Variants in ZDHHC11 observed in about 807,000 individuals in gnomAD.
The protein encoded by ZDHHC11 is zDHHC palmitoyltransferase 11.
In ZDHHC11, 44 loss-of-function variants were observed where a neutral mutation model predicts 51.3. The observed-to-expected ratio is 0.86, with a 90% confidence interval of 0.67 to 1.10. The LOEUF (loss-of-function observed/expected upper bound fraction) is 1.10, where lower values mean the gene tolerates loss of function less well. Among genes scored for constraint, ZDHHC11 ranks in the 50% least tolerant of loss-of-function variants. The pLI is 0.00. For synonymous variants in ZDHHC11, 163 were observed against 222.0 expected (o/e 0.73, Z 2.36); for missense variants, 400 against 537.7 (o/e 0.74, Z 2.53).
At chr5:801,381 T>C (rs1264712824) in intron 11 of ZDHHC11, among the ~76,000 whole-genome samples, 1 of 151,886 alleles carries the variant, frequency 6.6e-6, no homozygotes, top group Admixed American at 6.6e-5. Context: ...TTCTTCTGCA[T>C]GTGTGCTGAT....
chr5:841,962 C>A (rs1478197211), intron 4 of ZDHHC11: 1 of 989,654 alleles, frequency 1.0e-6, no homozygotes, highest in African/African-American at 1.7e-5. Context: ...GACCGCAGCT[C>A]CATGTGCCTG....
chr5:828,445 C>T (rs1240713467), intron 7 of ZDHHC11, among the ~76,000 whole-genome samples: 5 of 150,594 alleles, frequency 3.3e-5, no homozygotes, highest in South Asian at 2.1e-4. Flanking sequence ...GGCGGCCGGC[C>T]GGGTGGGGGC....
chr5:825,049 G>C, intron 8 of ZDHHC11, 115 bp downstream of exon 8: 2 of 1,057,446 alleles, frequency 1.9e-6, no homozygotes, highest in Non-Finnish European at 2.9e-6. Flanking sequence ...AGCACCATTG[G>C]ACACAGAGTG....
chr5:849,009 T>G (rs757702957), intron 1 of ZDHHC11, among the ~76,000 whole-genome samples: 25 of 145,912 alleles, frequency 1.7e-4, no homozygotes, highest in Non-Finnish European at 3.0e-4. Flanking sequence ...GCCCTGCTCA[T>G]CCAGTCTTGC....
intron 3 of ZDHHC11, among the ~76,000 whole-genome samples, chr5:844,242 C>T (rs1378973229): frequency 1.3e-5 from 2 of 152,284 alleles, no homozygotes; most frequent in African/African-American, 4.8e-5. Flanking sequence ...GAGGGGTGGC[C>T]GTGGGACATT....
chr5:818,756 G>A (rs549286067), intron 10 of ZDHHC11, among the ~76,000 whole-genome samples: 1 of 151,694 alleles, frequency 6.6e-6, no homozygotes, highest in South Asian at 2.1e-4. Context: ...AGCTACTCGG[G>A]AGGCTGAGGT....
chr5:850,444 G>A lies in ZDHHC11; in HGVS notation c.159C>T (p.Ser53=). 6.2e-7 allele frequency: 1 copy of A among 1,613,668 alleles called. No homozygotes were observed. Among genetic ancestry groups the A allele is most frequent in the Non-Finnish European group, 8.5e-7 (1 of 1,180,020 alleles). The change falls in exon 1 of 13, where the codon TCC becomes TCT. Residue 53 remains serine, a synonymous_variant. Transcript: ENST00000283441. ...GAATGAAGATCCCGAAGGTGGCCGA[G>A]GAAAGGCCCACGAAGACAGCCCAGG... is the stretch of plus-strand genomic sequence containing the variant. ...VVTWAVFVGL[S]SATFGIFIPF...
At chr5:818,979 G>C (rs554678674) in intron 10 of ZDHHC11, among the ~76,000 whole-genome samples, 2 of 151,638 alleles carry the variant, frequency 1.3e-5, no homozygotes, top group Admixed American at 1.3e-4. Flanking sequence ...GACGGACACA[G>C]AGTCCATGTA....
upstream of ZDHHC11, among the ~76,000 whole-genome samples, chr5:855,481 G>GC (rs1748069643): frequency 2.1e-5 from 3 of 143,298 alleles, no homozygotes; most frequent in Admixed American, 6.9e-5. Context: ...GAGCAGCGGG[G>GC]ACAGACCCCA....
At chr5:821,728 G>C (rs1186957994) in intron 9 of ZDHHC11, 133 bp downstream of exon 9, 2 of 868,614 alleles carry the variant, frequency 2.3e-6, no homozygotes, top group Admixed American at 6.1e-5. Flanking sequence ...TCTCGAAAGT[G>C]CCACCTCCTG....
chr5:821,995 T>C (rs1179627971), intron 8 of ZDHHC11, 100 bp from the exon 9 acceptor site: 15 of 1,055,082 alleles, frequency 1.4e-5, no homozygotes, highest in Non-Finnish European at 1.8e-5. Flanking sequence ...CAGTCACTTC[T>C]GAGTAATGGT....
rs1422303568 is a variant in ZDHHC11, at chr5:817,477, AC to A, written c.1146+2047del. On this transcript the variant is annotated intron_variant, in intron 10 of 12. Transcript: ENST00000283441. The stretch of plus-strand genomic sequence containing the variant: ...TATGTATATATCTCACTTGGGGAAA[AC>A]TTTAAAAACACACTTGAAAAAACAT... 4.6e-5 allele frequency among the ~76,000 whole-genome samples: 7 copies of A among 151,446 alleles called. 1 individual carries two copies. Among genetic ancestry groups the A allele is most frequent in the African/African-American group, 1.7e-4 (7 of 41,236 alleles).
At chr5:822,005 T>C in intron 8 of ZDHHC11, 110 bp from the exon 9 acceptor site, 1 of 945,024 alleles carries the variant, frequency 1.1e-6, no homozygotes, top group Non-Finnish European at 1.6e-6. Context: ...TGAGTAATGG[T>C]ACATCAAGGT....
intron 5 of ZDHHC11, among the ~76,000 whole-genome samples, chr5:838,054 G>A (rs1397677061): frequency 1.3e-5 from 2 of 151,886 alleles, no homozygotes; most frequent in East Asian, 1.9e-4. Flanking sequence ...ACTCCTGAGC[G>A]TGCTGAGAGC....
chr5:851,692 G>T (rs1747255491), upstream of ZDHHC11, among the ~76,000 whole-genome samples: 1 of 152,206 alleles, frequency 6.6e-6, no homozygotes, highest in South Asian at 2.1e-4. Flanking sequence ...CGGGGCCACA[G>T]GACCCTGGGG....
intron 6 of ZDHHC11, among the ~76,000 whole-genome samples, chr5:834,465 T>C (rs1486752269): frequency 4.6e-5 from 7 of 152,286 alleles, no homozygotes; most frequent in Non-Finnish European, 8.8e-5. Flanking sequence ...CTTCCCATTG[T>C]GTCCAGCCCT....
At chr5:848,787 G>T in intron 1 of ZDHHC11, 127 bp from the exon 2 acceptor site, 4 of 1,380,452 alleles carry the variant, frequency 2.9e-6, no homozygotes, top group Non-Finnish European at 3.9e-6. Flanking sequence ...CTGCACACGT[G>T]AGCCCAGCTC....
chr5:840,089 A>G (rs1448531349), intron 5 of ZDHHC11: 4 of 611,432 alleles, frequency 6.5e-6, no homozygotes, highest in African/African-American at 3.7e-5. Context: ...TGCCTGTAAT[A>G]TATTTCATTG....
At chr5:852,637 C>T (rs1284663988), upstream of ZDHHC11, among the ~76,000 whole-genome samples, 4 of 148,426 alleles carry the variant, frequency 2.7e-5, no homozygotes, top group Non-Finnish European at 5.9e-5. Flanking sequence ...CCACAGAGGA[C>T]AGTGAGCAAG....
Sources: allele counts gnomAD v4.1 joint callset (sites outside exome capture counted in the v4.1 genomes callset), GRCh38; gene constraint gnomAD v4.1.1; transcripts MANE v1.5; gene names NCBI Gene and HGNC (gene_info 2026-07-23, HGNC 2026-07-21).